The following GRID2 variants were observed in gnomAD, a reference collection of about 807,000 sequenced individuals.
GRID2 encodes the protein glutamate receptor ionotropic, delta-2.
GRID2 carries 33 observed loss-of-function variants against 114.8 expected under a neutral mutation model. That is an observed-to-expected ratio of 0.29 (90% CI 0.22 to 0.38). The LOEUF (loss-of-function observed/expected upper bound fraction) is 0.38. Among genes scored for constraint, GRID2 ranks in the 10% least tolerant of loss-of-function variants. GRID2 has a pLI of 1.00. For missense variants in GRID2, 1,184 were observed against 1,257.7 expected, an observed-to-expected ratio of 0.94 and a Z score of 0.89; for synonymous variants, 505 against 449.9, an observed-to-expected ratio of 1.12 and a Z score of -1.55.
intron 2 of GRID2, among the ~76,000 whole-genome samples, chr4:92,681,943 T>A (rs1055678955): frequency 6.6e-6 from 1 of 152,108 alleles, no homozygotes; most frequent in Admixed American, 6.5e-5. Flanking sequence ...CTCAGTTGAT[T>A]AAAGAAAGGT....
At chr4:92,804,496 T>G (rs993386910) in intron 2 of GRID2, among the ~76,000 whole-genome samples, 2 of 151,850 alleles carry the variant, frequency 1.3e-5, no homozygotes, top group African/African-American at 2.4e-5. Context: ...GTAAAAAAAA[T>G]GGTTAAATTA....
At chr4:93,359,103 C>G (rs1294164504) in intron 8 of GRID2, among the ~76,000 whole-genome samples, 2 of 152,038 alleles carry the variant, frequency 1.3e-5, no homozygotes, top group African/African-American at 4.8e-5. Context: ...CCTAAGATAG[C>G]TGATCTGGGA....
chr4:92,918,386 A>G (rs1312535178), intron 2 of GRID2, among the ~76,000 whole-genome samples: 1 of 152,080 alleles, frequency 6.6e-6, no homozygotes, highest in Admixed American at 6.6e-5. Context: ...TTCCAACACT[A>G]TGTTGAATAG....
chr4:92,749,288 C>T (rs926026717), intron 2 of GRID2, among the ~76,000 whole-genome samples: 8 of 144,876 alleles, frequency 5.5e-5, no homozygotes, highest in Non-Finnish European at 1.2e-4. Context: ...CATGAGACGC[C>T]GCGCCCGGCC....
At chr4:93,599,670 AC>A (rs1739472946) in intron 13 of GRID2, among the ~76,000 whole-genome samples, 1 of 152,132 alleles carries the variant, frequency 6.6e-6, no homozygotes, top group African/African-American at 2.4e-5. Context: ...TACCAAACTA[AC>A]CCTTTCACAA....
intron 2 of GRID2, among the ~76,000 whole-genome samples, chr4:92,944,168 C>G (rs1751413273): frequency 6.6e-6 from 1 of 152,220 alleles, no homozygotes; most frequent in African/African-American, 2.4e-5. Context: ...TGGCTATGCC[C>G]TGCCCCCAGA....
At chr4:93,613,517 T>A (rs1220324964) in intron 13 of GRID2, among the ~76,000 whole-genome samples, 2 of 60,806 alleles carry the variant, frequency 3.3e-5, no homozygotes, top group African/African-American at 1.3e-4. Flanking sequence ...TGGTTGTTAG[T>A]TTTCCTTCTA....
At chr4:93,764,253 A>G (rs1733448397) in intron 14 of GRID2, among the ~76,000 whole-genome samples, 1 of 152,146 alleles carries the variant, frequency 6.6e-6, no homozygotes, top group South Asian at 2.1e-4. Context: ...TTATACCAAT[A>G]AAGAAATCAG....
At chr4:92,757,840 A>C (rs565732397) in intron 2 of GRID2, among the ~76,000 whole-genome samples, 4 of 150,108 alleles carry the variant, frequency 2.7e-5, no homozygotes, top group African/African-American at 9.7e-5. Flanking sequence ...GTTACTTAAA[A>C]CGATGTTAAA....
At chr4:92,566,311 GCC>G (rs1290013234) in intron 1 of GRID2, among the ~76,000 whole-genome samples, 2 of 151,680 alleles carry the variant, frequency 1.3e-5, no homozygotes, top group Admixed American at 6.6e-5. Flanking sequence ...GGAAAATGAT[GCC>G]CCAGAGTCAT....
Position 93,316,854 on chromosome 4 carries a change from TTC to T in GRID2, c.1245+78366_1245+78367del, listed in dbSNP as rs150302079. Among the ~76,000 whole-genome samples, 420 of 152,234 alleles carry T rather than the reference TTC, an allele frequency of 2.8e-3. 2 individuals are homozygous for T. Among genetic ancestry groups the T allele is most frequent in the African/African-American group, 9.7e-3 (405 of 41,546 alleles). Reference sequence around the variant, plus strand: ...GAGCCAATGTTTCCTTTCAAACTATTTCTGAGTACATTTAATGATTTAAATAT... The same window carrying T: ...GAGCCAATGTTTCCTTTCAAACTATTTGAGTACATTTAATGATTTAAATAT... On this transcript the variant is annotated intron_variant, in intron 8 of 15. Coordinates refer to ENST00000282020, the MANE Select transcript of GRID2 (RefSeq NM_001510.4).
chr4:92,349,404 A>C (rs1005037907), intron 1 of GRID2, among the ~76,000 whole-genome samples: 11 of 151,922 alleles, frequency 7.2e-5, no homozygotes, highest in African/African-American at 2.7e-4. Context: ...ATGTCAGTCT[A>C]TTATTAACCT....
intron 14 of GRID2, among the ~76,000 whole-genome samples, chr4:93,720,059 A>T (rs2110191484): frequency 6.6e-6 from 1 of 152,326 alleles, no homozygotes; most frequent in East Asian, 1.9e-4. Context: ...CATAGAAAAG[A>T]GTCTACTCTG....
At chr4:93,282,385 A>G in intron 8 of GRID2, 3 of 449,574 alleles carry the variant, frequency 6.7e-6, no homozygotes, top group Non-Finnish European at 1.3e-5. Flanking sequence ...AGTTCTAGAG[A>G]CTGGGAAGTT....
intron 2 of GRID2, among the ~76,000 whole-genome samples, chr4:92,953,382 A>G (rs2149137868): frequency 6.6e-6 from 1 of 152,316 alleles, no homozygotes; most frequent in Non-Finnish European, 1.5e-5. Flanking sequence ...GTATCTTTAG[A>G]TGATAGTCTA....
intron 12 of GRID2, among the ~76,000 whole-genome samples, chr4:93,496,613 A>G (rs967817587): frequency 2.6e-5 from 4 of 151,802 alleles, no homozygotes; most frequent in African/African-American, 7.2e-5. Flanking sequence ...AGTGTAATAT[A>G]GGATTGAATC....
intron 2 of GRID2, among the ~76,000 whole-genome samples, chr4:92,992,966 C>A (rs1754996277): frequency 6.6e-6 from 1 of 152,090 alleles, no homozygotes; most frequent in African/African-American, 2.4e-5. Context: ...TTGTCACTTT[C>A]CATTGCAGCT....
chr4:93,026,909 A>T (rs563257951), intron 2 of GRID2, among the ~76,000 whole-genome samples: 1 of 152,178 alleles, frequency 6.6e-6, no homozygotes, highest in African/African-American at 2.4e-5. Flanking sequence ...AAAACTGCCC[A>T]TTTATAGTAG....
intron 1 of GRID2, among the ~76,000 whole-genome samples, chr4:92,328,322 T>G (rs551435674): frequency 2.6e-5 from 4 of 152,012 alleles, no homozygotes; most frequent in Non-Finnish European, 5.9e-5. Context: ...ATATGTGGAC[T>G]TTATCACTAA....
Sources: allele counts gnomAD v4.1 joint callset (sites outside exome capture counted in the v4.1 genomes callset), GRCh38; gene constraint gnomAD v4.1.1; transcripts MANE v1.5; gene names NCBI Gene and HGNC (gene_info 2026-07-23, HGNC 2026-07-21).